MRPS28: variants seen among roughly 807,000 people sequenced by gnomAD.
MRPS28 encodes the protein small ribosomal subunit protein bS1m.
In MRPS28, 7 loss-of-function variants were observed where a neutral mutation model predicts 10.8. That is an observed-to-expected ratio of 0.65 (90% CI 0.37 to 1.22). The LOEUF is 1.22. Ranked by LOEUF, MRPS28 falls within the 50% of genes most tolerant of loss-of-function variation. MRPS28 has a pLI of 0.02. For missense variants in MRPS28, 265 were observed against 232.9 expected, an observed-to-expected ratio of 1.14 and a Z score of -0.90; for synonymous variants, 121 against 93.3, an observed-to-expected ratio of 1.30 and a Z score of -1.71.
intron 2 of MRPS28, among the ~76,000 whole-genome samples, chr8:79,974,458 G>A (rs933453355): frequency 6.6e-5 from 10 of 151,706 alleles, no homozygotes; most frequent in African/African-American, 1.2e-4. Flanking sequence ...GGAGAATGGC[G>A]TGAACCCGAG....
rs200320123 is a variant in MRPS28, at chr8:79,985,602, C to T, written c.395+17397G>A. 1.2e-4 allele frequency among the ~76,000 whole-genome samples: 18 copies of T among 152,146 alleles called. No individual in the cohort carries two copies. In the East Asian group the frequency reaches 2.9e-3, roughly 24 times the overall value. ...AAAATGATAAAGGGGATATCACCAC[C>T]GATCCCACAGAAATACAAACTAACA... On this transcript the variant is annotated intron_variant, in intron 2 of 2. Transcript: ENST00000276585.
intron 2 of MRPS28, among the ~76,000 whole-genome samples, chr8:79,986,386 A>C (rs1808173901): frequency 1.3e-5 from 2 of 152,296 alleles, no homozygotes; most frequent in South Asian, 4.1e-4. Flanking sequence ...GCCCTCTCTC[A>C]CCACTCCTAT....
chr8:79,981,542 T>C (rs1269282846), intron 2 of MRPS28, among the ~76,000 whole-genome samples: 2 of 152,220 alleles, frequency 1.3e-5, no homozygotes, highest in Non-Finnish European at 2.9e-5. Flanking sequence ...ATTATCATTC[T>C]AGTAAATAAA....
intron 2 of MRPS28, chr8:79,957,358 A>G (rs889528082): frequency 6.6e-6 from 1 of 151,952 alleles, no homozygotes; most frequent in Non-Finnish European, 1.5e-5. Context: ...CTACTCTACT[A>G]ATAGCAAGAC....
In MRPS28 at chr8:79,919,222, C is replaced by A. The variant is rs921674493; in HGVS notation, c.396-74G>T. On this transcript the variant is annotated intron_variant, in intron 2 of 2. Transcript: ENST00000276585. ...TGAACAACTAGTTTAATAACAACAA[C>A]CAAATTCCAATTTTAATTTGTGTTA... is the stretch of plus-strand genomic sequence containing the variant. 3 of 1,161,838 alleles carry A rather than the reference C, an allele frequency of 2.6e-6. No homozygotes were observed. The South Asian group carries it at 8.3e-5, about 32-fold the overall frequency. The allele number at this position is 1,161,838 out of a possible 1,614,324, so 72.0% of individuals were successfully genotyped here.
intron 1 of MRPS28, among the ~76,000 whole-genome samples, chr8:80,018,499 G>T (rs1296008782): frequency 1.3e-5 from 2 of 152,110 alleles, no homozygotes; most frequent in Non-Finnish European, 2.9e-5. Context: ...TGCTGATGAG[G>T]ATGTGGAGAA....
intron 2 of MRPS28, among the ~76,000 whole-genome samples, chr8:79,970,962 TGTATA>T (rs2130038236): frequency 6.6e-6 from 1 of 152,316 alleles, no homozygotes; most frequent in South Asian, 2.1e-4. Flanking sequence ...TGAATTGCAC[TGTATA>T]GTAACTTTGG....
intron 2 of MRPS28, among the ~76,000 whole-genome samples, chr8:79,930,127 T>C (rs1488491444): frequency 6.6e-6 from 1 of 152,232 alleles, no homozygotes; most frequent in Non-Finnish European, 1.5e-5. Flanking sequence ...AATTAGCTTC[T>C]TTATCTGACT....
rs149809574 is a variant in MRPS28 at position 80,030,075 on chromosome 8, C to A, written c.174G>T (p.Arg58=). ...CCACCTTCTGTAGAAGCTCCGAGTG[C>A]CGCTCCAACGCGCTCGCGAAACCGC... The part of the protein sequence containing the change: ...RAGGFASALE[R]HSELLQKVEP... The change falls in exon 1 of 3, where the codon CGG becomes CGT. Residue 58 remains arginine, a synonymous_variant. Coordinates refer to ENST00000276585, the MANE Select transcript of MRPS28 (RefSeq NM_014018.3). 821 of 1,613,696 alleles carry A rather than the reference C, an allele frequency of 5.1e-4. 7 individuals carry two copies. In the East Asian group the frequency reaches 0.014, roughly 27 times the overall value.
chr8:80,030,209 TC>T lies in MRPS28; in HGVS notation c.39del (p.Ser14AlafsTer16). ...AAGAGAAACACTCGCAGAAAATGGC[TC>T]TCGGCAGCCACAGCACGGGTCCGAC... ...ALCRTRAVAAESHFLRVFLFF... is the reference protein window; with the variant it reads ...ALCRTRAVAAXSHFLRVFLFF... On this transcript the variant is annotated frameshift_variant, in exon 1 of 3. Coordinates refer to ENST00000276585, the MANE Select transcript of MRPS28 (RefSeq NM_014018.3). LOFTEE classifies it high-confidence loss of function. 6.2e-7 allele frequency: 1 copy of T among 1,614,138 alleles called. No individual in the cohort carries two copies. The highest frequency in any genetic ancestry group is 8.5e-7 in the Non-Finnish European group (1 of 1,180,030).
At chr8:79,946,119 A>G (rs1197225165) in intron 2 of MRPS28, among the ~76,000 whole-genome samples, 1 of 152,156 alleles carries the variant, frequency 6.6e-6, no homozygotes, top group Non-Finnish European at 1.5e-5. Flanking sequence ...GCTCCATATA[A>G]AATACCAATT....
intron 1 of MRPS28, among the ~76,000 whole-genome samples, chr8:80,011,590 C>T (rs559693191): frequency 2.6e-5 from 4 of 151,976 alleles, no homozygotes; most frequent in Middle Eastern, 3.4e-3. Flanking sequence ...CCTGTCTCTA[C>T]TAAAATACAA....
At chr8:79,964,886 G>A (rs1807466508) in intron 2 of MRPS28, among the ~76,000 whole-genome samples, 1 of 152,044 alleles carries the variant, frequency 6.6e-6, no homozygotes, top group South Asian at 2.1e-4. Flanking sequence ...AGCGAAGGAA[G>A]TGCCATATTC....
chr8:79,922,453 A>T (rs1810119251), intron 2 of MRPS28, among the ~76,000 whole-genome samples: 1 of 152,208 alleles, frequency 6.6e-6, no homozygotes, highest in African/African-American at 2.4e-5. Flanking sequence ...GGAAATTGCT[A>T]AGTGAGTATA....
At chr8:79,950,588 C>A (rs1807055606) in intron 2 of MRPS28, among the ~76,000 whole-genome samples, 1 of 152,038 alleles carries the variant, frequency 6.6e-6, no homozygotes, top group South Asian at 2.1e-4. Flanking sequence ...TTACAAAATG[C>A]CTTCGGATAG....
chr8:80,011,459 A>G (rs948615563), intron 1 of MRPS28, among the ~76,000 whole-genome samples: 15 of 151,712 alleles, frequency 9.9e-5, no homozygotes, highest in African/African-American at 3.4e-4. Context: ...TCCAATTAAA[A>G]CTAAATGACA....
intron 2 of MRPS28, among the ~76,000 whole-genome samples, chr8:79,924,679 T>C (rs1347431008): frequency 6.6e-6 from 1 of 152,222 alleles, no homozygotes; most frequent in Non-Finnish European, 1.5e-5. Flanking sequence ...TTATTAGCTA[T>C]ATAAAACACT....
chr8:79,964,548 G>A (rs1807456072), intron 2 of MRPS28, among the ~76,000 whole-genome samples: 1 of 152,052 alleles, frequency 6.6e-6, no homozygotes, highest in Non-Finnish European at 1.5e-5. Context: ...TTTGGAATTA[G>A]ACTATGTTCA....
intron 2 of MRPS28, among the ~76,000 whole-genome samples, chr8:79,952,015 A>C (rs537928412): frequency 3.3e-5 from 5 of 152,234 alleles, no homozygotes; most frequent in Non-Finnish European, 5.9e-5. Flanking sequence ...AACTGAAAGC[A>C]TCTTCATTAC....
Sources: gnomAD v4.1 joint callset for allele counts (sites outside exome capture counted in the v4.1 genomes callset) on GRCh38, gnomAD v4.1.1 for gene constraint, MANE v1.5 for transcripts, NCBI Gene and HGNC (gene_info 2026-07-23, HGNC 2026-07-21) for gene names.